Variants in ANAPC4 observed in about 807,000 individuals in gnomAD.
ANAPC4 encodes the protein anaphase-promoting complex subunit 4.
ANAPC4 carries 63 observed loss-of-function variants against 119.8 expected under a neutral mutation model. The ratio of observed to expected loss-of-function variants is 0.53; its 90% CI spans 0.43 to 0.65. ANAPC4 has a LOEUF of 0.65. Among genes scored for constraint, ANAPC4 ranks in the 30% least tolerant of loss-of-function variants. The pLI, the probability that ANAPC4 is intolerant of heterozygous loss-of-function variation, is 0.00. For missense variants in ANAPC4, 716 were observed against 945.1 expected (o/e 0.76, Z 3.18); for synonymous variants, 283 against 318.6 (o/e 0.89, Z 1.19).
Position 25,405,280 on chromosome 4 carries a change from G to A in ANAPC4, c.1271-293G>A, listed in dbSNP as rs150830620. ...GTTAAAAGGAGGGATCCTTACACAC[G>A]TAGTCTTAGCACAGACAGCAGTTAG... On this transcript the variant is annotated intron_variant, in intron 17 of 28. Coordinates refer to ENST00000315368, the MANE Select transcript of ANAPC4 (RefSeq NM_013367.3). The surrounding 1 kb of genome is among the most constrained non-coding windows in gnomAD (Gnocchi z 4.6). 9.5e-4 allele frequency among the ~76,000 whole-genome samples: 144 copies of A among 152,192 alleles called. No individual in the cohort carries two copies. In the Middle Eastern group the frequency reaches 0.01, roughly 11 times the overall value.
chr4:25,381,895 C>G (rs937585571), intron 3 of ANAPC4, among the ~76,000 whole-genome samples: 3 of 152,082 alleles, frequency 2.0e-5, no homozygotes, highest in African/African-American at 7.2e-5. Flanking sequence ...TGCAGTGAGC[C>G]AATATCGCAC....
In ANAPC4 at chr4:25,388,499, G is replaced by C; in HGVS notation, c.369-1G>C. On this transcript the variant is annotated splice_acceptor_variant, in intron 4 of 28. Coordinates refer to ENST00000315368, the MANE Select transcript of ANAPC4 (RefSeq NM_013367.3). LOFTEE classifies it high-confidence loss of function. ...TAATGCTTTTATTTTTTCCTTTTTA[G>C]TGTTCTCACATCATTTTATAATGCT... 3 of 1,571,080 alleles carry C rather than the reference G, an allele frequency of 1.9e-6. No homozygotes were observed. Among genetic ancestry groups the C allele is most frequent in the Non-Finnish European group, 2.6e-6 (3 of 1,147,698 alleles).
intron 16 of ANAPC4, among the ~76,000 whole-genome samples, chr4:25,401,347 G>C (rs922110714): frequency 1.3e-5 from 2 of 152,154 alleles, no homozygotes; most frequent in Admixed American, 1.3e-4. Context: ...CAGGATACTG[G>C]TGCCCACGTG....
At chr4:25,389,829 T>C (rs1194810796) in intron 7 of ANAPC4, among the ~76,000 whole-genome samples, 8 of 152,216 alleles carry the variant, frequency 5.3e-5, no homozygotes, top group Admixed American at 5.2e-4. Context: ...CACTTTGTAT[T>C]AGTTGGTAAA....
At chr4:25,378,528 C>T (rs1221795787) in intron 2 of ANAPC4, among the ~76,000 whole-genome samples, 1 of 152,182 alleles carries the variant, frequency 6.6e-6, no homozygotes, top group Non-Finnish European at 1.5e-5. Context: ...GGTACCGTCA[C>T]AGAAGTAGGA....
At chr4:25,418,114 C>T in intron 28 of ANAPC4, 41 bp from the exon 29 acceptor site, 1 of 1,517,238 alleles carries the variant, frequency 6.6e-7, no homozygotes, top group Non-Finnish European at 9.1e-7. Context: ...ATATGATAAG[C>T]CATTAATTTA....
At chr4:25,404,438 C>G (rs911225725) in intron 17 of ANAPC4, among the ~76,000 whole-genome samples, 3 of 152,028 alleles carry the variant, frequency 2.0e-5, no homozygotes, top group African/African-American at 7.2e-5. Context: ...CAGTGTCTAT[C>G]CTTACTACAC....
In ANAPC4 at chr4:25,390,231, T is replaced by C. The variant is rs1367515723; in HGVS notation, c.600+11T>C. 2.5e-6 allele frequency: 4 copies of C among 1,583,556 alleles called. No individual in the cohort carries two copies. The African/African-American group carries it at 4.0e-5, about 16-fold the overall frequency. ...GCTCGAGTCACAGGGGTAAGATTTC[T>C]TTAACATTTTCTCTTCCTAAATTAT... On this transcript the variant is annotated intron_variant, in intron 8 of 28. Coordinates refer to ENST00000315368, the MANE Select transcript of ANAPC4 (RefSeq NM_013367.3).
intron 4 of ANAPC4, among the ~76,000 whole-genome samples, chr4:25,388,218 A>G (rs779173464): frequency 3.3e-5 from 5 of 152,218 alleles, no homozygotes; most frequent in Non-Finnish European, 7.3e-5. Context: ...CTGAGTACAT[A>G]TGAATGCATT....
At chr4:25,395,787 A>T (rs548014923) in intron 14 of ANAPC4, among the ~76,000 whole-genome samples, 2 of 152,102 alleles carry the variant, frequency 1.3e-5, no homozygotes, top group Non-Finnish European at 2.9e-5. Flanking sequence ...CTTTATGCTG[A>T]GTCCCTGGCC....
chr4:25,398,387 A>G (rs1449896365), intron 16 of ANAPC4, among the ~76,000 whole-genome samples: 2 of 152,104 alleles, frequency 1.3e-5, no homozygotes, highest in Non-Finnish European at 2.9e-5. Flanking sequence ...TTGGAAGGAG[A>G]CGGAAGGGAG....
At chr4:25,410,906 A>G (rs1560446806) in intron 21 of ANAPC4, among the ~76,000 whole-genome samples, 1 of 152,182 alleles carries the variant, frequency 6.6e-6, no homozygotes, top group Admixed American at 6.5e-5. Context: ...CCAAATTCCA[A>G]AAAAATCCCA....
At position 25,415,496 on chromosome 4, in the gene ANAPC4, A is replaced by G. The variant is rs767854842; in HGVS notation, c.1857A>G (p.Lys619=). ...TGAGTAATGGACTAATTGCTATTAA[A>G]TTTGGGAGCTTTACATATGCCACAA... ...QSVSNGLIAI[K]FGSFTYATTE... The change falls in exon 26 of 29, where the codon AAA becomes AAG. Residue 619 remains lysine (K), a synonymous_variant. Transcript: ENST00000315368. 6 of 1,613,402 alleles carry G rather than the reference A, an allele frequency of 3.7e-6. No individual in the cohort carries two copies. The South Asian group carries it at 4.4e-5, about 12-fold the overall frequency.
rs1723189012 is a variant in ANAPC4, at chr4:25,405,210, G to A, written c.1271-363G>A. Among the ~76,000 whole-genome samples, 1 of 151,848 alleles carries A rather than the reference G, an allele frequency of 6.6e-6. No homozygotes were observed. The highest frequency in any genetic ancestry group is 1.5e-5 in the Non-Finnish European group (1 of 67,960). Reference sequence around the variant, plus strand: ...ATTTCTTTGGTATCATAAGGCTTTGGAGGAAAAAATGGCTTGCAGATTTTA... The same window carrying A: ...ATTTCTTTGGTATCATAAGGCTTTGAAGGAAAAAATGGCTTGCAGATTTTA... On this transcript the variant is annotated intron_variant, in intron 17 of 28. Transcript: ENST00000315368. This position sits in a 1 kb window ranked among gnomAD's most constrained non-coding sequence, Gnocchi z 4.6.
chr4:25,399,525 C>T (rs1394719362), intron 16 of ANAPC4, among the ~76,000 whole-genome samples: 1 of 151,816 alleles, frequency 6.6e-6, no homozygotes, highest in Non-Finnish European at 1.5e-5. Context: ...GGTTATGCAT[C>T]CCTGGCCAGA....
At chr4:25,397,426 G>A (rs972477396) in intron 16 of ANAPC4, among the ~76,000 whole-genome samples, 2 of 152,036 alleles carry the variant, frequency 1.3e-5, no homozygotes, top group African/African-American at 4.8e-5. Context: ...CTCCTGCACG[G>A]CTACCACCCG....
chr4:25,409,767 C>G lies in ANAPC4; in HGVS notation c.1501C>G (p.Leu501Val). The G allele has an allele frequency of 6.2e-7, 1 of 1,613,378 alleles. No individual in the cohort carries two copies. The highest frequency in any genetic ancestry group is 1.1e-5 in the South Asian group (1 of 91,022). The change falls in exon 21 of 29, where the codon CTT becomes GTT. Residue 501 changes from leucine to valine, a missense_variant. Physicochemically the swap from Leu to Val is conservative, Grantham distance 32 (BLOSUM62 1). Coordinates refer to ENST00000315368, the MANE Select transcript of ANAPC4 (RefSeq NM_013367.3). Reference protein sequence around the residue: ...NTEGNQWYDFLQNSSHLKESP... With the variant: ...NTEGNQWYDFVQNSSHLKESP... ...AGAAGGAAACCAGTGGTATGACTTTCTTCAAAATAGCAGCCACCTTAAAGG... is the reference window on the plus strand; with the variant it reads ...AGAAGGAAACCAGTGGTATGACTTTGTTCAAAATAGCAGCCACCTTAAAGG...
chr4:25,397,170 G>T (rs1236567362), intron 16 of ANAPC4, among the ~76,000 whole-genome samples: 1 of 152,076 alleles, frequency 6.6e-6, no homozygotes, highest in Non-Finnish European at 1.5e-5. Context: ...TCTTCTATGG[G>T]TTACCTCCAT....
intron 20 of ANAPC4, among the ~76,000 whole-genome samples, chr4:25,407,860 A>C (rs1723344771): frequency 6.6e-6 from 1 of 152,138 alleles, no homozygotes; most frequent in South Asian, 2.1e-4. Context: ...GCATCACTGC[A>C]CTCCAGCCTG....
Sources: gnomAD v4.1 joint callset for allele counts (sites outside exome capture counted in the v4.1 genomes callset) on GRCh38, gnomAD v4.1.1 for gene constraint, Gnocchi (gnomAD v3.1) non-coding constraint, MANE v1.5 for transcripts, NCBI Gene and HGNC (gene_info 2026-07-23, HGNC 2026-07-21) for gene names.